Variants in RBFOX1 observed in about 807,000 individuals in gnomAD.
RBFOX1 encodes the protein RNA binding protein fox-1 homolog 1.
Under a neutral mutation model 57.7 loss-of-function variants are expected in RBFOX1, and 8 were observed. The observed-to-expected ratio is 0.14, with a 90% CI of 0.08 to 0.25. RBFOX1 has a LOEUF of 0.25. Among genes scored for constraint, RBFOX1 ranks in the 10% least tolerant of loss-of-function variants. RBFOX1 has a pLI of 1.00. For synonymous variants in RBFOX1, 326 were observed against 222.4 expected, an observed-to-expected ratio of 1.47 and a Z score of -4.15; for missense variants, 611 against 548.5, an observed-to-expected ratio of 1.11 and a Z score of -1.14.
intron 3 of RBFOX1, among the ~76,000 whole-genome samples, chr16:6,992,166 A>T (rs1219097463): frequency 1.3e-5 from 2 of 148,362 alleles, no homozygotes; most frequent in Admixed American, 6.7e-5. Flanking sequence ...TAGAGAAGCA[A>T]TTTTTTGTTT....
At chr16:7,491,290 T>C (rs8046257) in intron 4 of RBFOX1, among the ~76,000 whole-genome samples, 146,679 of 151,684 alleles carry the variant, frequency 0.97, 71,125 homozygotes, top group East Asian at 1. Context: ...GTAAATCTTG[T>C]ACTGTTGCTT....
intron 4 of RBFOX1, among the ~76,000 whole-genome samples, chr16:7,507,424 A>C (rs907515721): frequency 6.6e-6 from 1 of 152,166 alleles, no homozygotes; most frequent in Non-Finnish European, 1.5e-5. Context: ...AAAAACACAG[A>C]ACATTTTTCT....
intron 13 of RBFOX1, among the ~76,000 whole-genome samples, chr16:7,666,371 C>A (rs1307010547): frequency 7.3e-6 from 1 of 137,602 alleles, no homozygotes; most frequent in African/African-American, 2.8e-5. Flanking sequence ...GAAACTATCT[C>A]CAGCAACACC....
chr16:5,749,813 T>G (rs2053125561), intron 3 of RBFOX1, among the ~76,000 whole-genome samples: 3 of 152,146 alleles, frequency 2.0e-5, no homozygotes, highest in Non-Finnish European at 4.4e-5. Context: ...GGGTTCGAAC[T>G]TCCTCCGTTA....
At chr16:6,001,736 T>A (rs772353661) in intron 4 of RBFOX1, among the ~76,000 whole-genome samples, 15 of 152,128 alleles carry the variant, frequency 9.9e-5, no homozygotes, top group Non-Finnish European at 1.9e-4. Flanking sequence ...AAGAAAAATA[T>A]CAACTCTATA....
intron 1 of RBFOX1, among the ~76,000 whole-genome samples, chr16:6,193,023 G>A (rs1261865740): frequency 2.0e-5 from 3 of 152,072 alleles, no homozygotes; most frequent in Non-Finnish European, 4.4e-5. Flanking sequence ...TAATGAGAAT[G>A]TTTATCTTTG....
At chr16:6,766,968 C>G (rs993986749) in intron 3 of RBFOX1, among the ~76,000 whole-genome samples, 1 of 152,184 alleles carries the variant, frequency 6.6e-6, no homozygotes, top group Middle Eastern at 3.4e-3. Context: ...TCGGGGGAGG[C>G]TGAAGGCTGA....
intron 1 of RBFOX1, among the ~76,000 whole-genome samples, chr16:6,109,479 G>C (rs181438877): frequency 6.4e-4 from 97 of 152,140 alleles, no homozygotes; most frequent in African/African-American, 2.3e-3. Context: ...TCACTCATGA[G>C]GCATAATATA....
chr16:6,144,296 C>A (rs2096741477), intron 1 of RBFOX1, among the ~76,000 whole-genome samples: 1 of 152,142 alleles, frequency 6.6e-6, no homozygotes, highest in Admixed American at 6.5e-5. Context: ...CAGAGATGGG[C>A]TTCCTGCTTC....
chr16:6,250,028 C>A (rs953596027), intron 1 of RBFOX1, among the ~76,000 whole-genome samples: 1 of 152,018 alleles, frequency 6.6e-6, no homozygotes, highest in Non-Finnish European at 1.5e-5. Context: ...GTTCTTGCAG[C>A]TGACTAAGCA....
At chr16:7,188,369 T>G (rs556085048) in intron 4 of RBFOX1, among the ~76,000 whole-genome samples, 1 of 152,370 alleles carries the variant, frequency 6.6e-6, no homozygotes, top group Non-Finnish European at 1.5e-5. Context: ...TGATATTTTC[T>G]GAATGGGGTT....
chr16:6,820,298 T>C (rs1362503126), intron 3 of RBFOX1, among the ~76,000 whole-genome samples: 1 of 152,162 alleles, frequency 6.6e-6, no homozygotes, highest in Non-Finnish European at 1.5e-5. Context: ...ATTATGAAAA[T>C]AGACTAATAC....
intron 1 of RBFOX1, among the ~76,000 whole-genome samples, chr16:5,321,852 A>C (rs960967686): frequency 6.6e-6 from 1 of 152,142 alleles, no homozygotes; most frequent in Non-Finnish European, 1.5e-5. Context: ...GCCTGTCTTC[A>C]TCCAAGGTGA....
chr16:6,323,005 G>A (rs1301265951), intron 2 of RBFOX1, among the ~76,000 whole-genome samples: 1 of 152,136 alleles, frequency 6.6e-6, no homozygotes, highest in Non-Finnish European at 1.5e-5. Context: ...CCTCTCCTAA[G>A]CTGCTGCATA....
At chr16:5,510,602 A>G (rs557408077) in intron 2 of RBFOX1, among the ~76,000 whole-genome samples, 4 of 152,022 alleles carry the variant, frequency 2.6e-5, no homozygotes, top group African/African-American at 9.6e-5. Context: ...GCTTAGGGGG[A>G]GATGAAAAAT....
chr16:5,438,499 G>T (rs2067984413), intron 1 of RBFOX1, among the ~76,000 whole-genome samples: 1 of 152,172 alleles, frequency 6.6e-6, no homozygotes, highest in African/African-American at 2.4e-5. Context: ...CATTCCAACT[G>T]AGTTATCCTG....
At chr16:7,695,813 A>G (rs1033614509) in intron 14 of RBFOX1, among the ~76,000 whole-genome samples, 1 of 152,126 alleles carries the variant, frequency 6.6e-6, no homozygotes, top group Non-Finnish European at 1.5e-5. Flanking sequence ...CAAGTTCTCT[A>G]TTTTTAAATG....
rs1042437246 is a variant in RBFOX1 at position 7,342,128 on chromosome 16, A to G, written c.28-176019A>G. 3.3e-5 allele frequency among the ~76,000 whole-genome samples: 5 copies of G among 152,116 alleles called. No individual in the cohort carries two copies. In the South Asian group the frequency reaches 6.3e-4, roughly 19 times the overall value. ...AAATTTGAAAAGAACAGGATTTACA[A>G]CAAGGAAACCTGAGTCTGGCCATTA... is the stretch of plus-strand genomic sequence containing the variant. On this transcript the variant is annotated intron_variant, in intron 4 of 15. Coordinates refer to ENST00000550418, the MANE Select transcript of RBFOX1 (RefSeq NM_018723.4).
chr16:7,257,968 C>T (rs2094763493), intron 4 of RBFOX1, among the ~76,000 whole-genome samples: 1 of 152,108 alleles, frequency 6.6e-6, no homozygotes, highest in Non-Finnish European at 1.5e-5. Context: ...TGAACAGAGC[C>T]TAATGAAGGA....
Sources: allele counts gnomAD v4.1 joint callset (sites outside exome capture counted in the v4.1 genomes callset), GRCh38; gene constraint gnomAD v4.1.1; transcripts MANE v1.5; gene names NCBI Gene and HGNC (gene_info 2026-07-23, HGNC 2026-07-21).